Variants in NT5DC1 observed in about 807,000 individuals in gnomAD.
NT5DC1 encodes 5'-nucleotidase domain-containing protein 1.
NT5DC1 carries 42 observed loss-of-function variants against 59.4 expected under a neutral mutation model. The observed-to-expected ratio is 0.71, with a 90% confidence interval of 0.55 to 0.92. NT5DC1 has a LOEUF of 0.92. Among genes scored for constraint, NT5DC1 ranks in the 40% least tolerant of loss-of-function variants. The probability of loss-of-function intolerance (pLI) is 0.00; values close to 1 mark genes in which losing one functional copy is unlikely to be tolerated. For missense variants in NT5DC1, 501 were observed against 537.1 expected (o/e 0.93, Z 0.66); for synonymous variants, 172 against 188.1 (o/e 0.91, Z 0.70).
rs191656132 is a variant in NT5DC1 at position 116,211,597 on chromosome 6, A to G, written c.530-9457A>G. On this transcript the variant is annotated intron_variant, in intron 6 of 11. Transcript: ENST00000319550. ...AACAGCCATTCATTAGCCATGCCAA[A>G]TAAGTATAAATGTATTGGACTTAGA... Among the ~76,000 whole-genome samples, 366 of 152,188 alleles carry G rather than the reference A, an allele frequency of 2.4e-3. 2 individuals are homozygous for G. The highest frequency in any genetic ancestry group is 0.01 in the Middle Eastern group (3 of 294).
intron 6 of NT5DC1, among the ~76,000 whole-genome samples, chr6:116,132,876 G>T (rs1779503856): frequency 6.6e-6 from 1 of 152,050 alleles, no homozygotes; most frequent in African/African-American, 2.4e-5. Flanking sequence ...AATTTTAAAA[G>T]AACATTCTTA....
chr6:116,118,259 G>A (rs1232314644), intron 6 of NT5DC1, among the ~76,000 whole-genome samples: 2 of 152,154 alleles, frequency 1.3e-5, no homozygotes, highest in Non-Finnish European at 2.9e-5. Context: ...ATAAGGGTTG[G>A]TGACTTGTAA....
intron 6 of NT5DC1, among the ~76,000 whole-genome samples, chr6:116,194,730 G>A (rs1436968219): frequency 6.6e-6 from 1 of 152,012 alleles, no homozygotes; most frequent in Admixed American, 6.6e-5. Context: ...AGTTTTGAAT[G>A]TAAATTATCA....
chr6:116,166,778 A>G (rs1780479628), intron 6 of NT5DC1, among the ~76,000 whole-genome samples: 1 of 152,226 alleles, frequency 6.6e-6, no homozygotes, highest in Non-Finnish European at 1.5e-5. Flanking sequence ...TAAATTATGT[A>G]AGAGATAAAA....
At chr6:116,143,351 T>C (rs1395403683) in intron 6 of NT5DC1, among the ~76,000 whole-genome samples, 2 of 152,080 alleles carry the variant, frequency 1.3e-5, no homozygotes, top group East Asian at 3.9e-4. Context: ...GCTGGGATTA[T>C]AGGCATGCAT....
At chr6:116,155,804 A>G (rs1780177128) in intron 6 of NT5DC1, among the ~76,000 whole-genome samples, 1 of 151,860 alleles carries the variant, frequency 6.6e-6, no homozygotes, top group African/African-American at 2.4e-5. Context: ...ACTGAAATGG[A>G]AACATTTCCA....
At chr6:116,243,231 T>C (rs1771771560) in intron 11 of NT5DC1, among the ~76,000 whole-genome samples, 1 of 152,224 alleles carries the variant, frequency 6.6e-6, no homozygotes, top group Non-Finnish European at 1.5e-5. Flanking sequence ...CCTCATCCTG[T>C]GACTATGAAG....
intron 6 of NT5DC1, among the ~76,000 whole-genome samples, chr6:116,161,695 T>G (rs1172729290): frequency 6.6e-6 from 1 of 152,226 alleles, no homozygotes; most frequent in Non-Finnish European, 1.5e-5. Context: ...TGCTTAGGAT[T>G]GCTTTGGCTA....
intron 6 of NT5DC1, among the ~76,000 whole-genome samples, chr6:116,211,778 T>C (rs1781584183): frequency 6.6e-6 from 1 of 152,108 alleles, no homozygotes; most frequent in Admixed American, 6.6e-5. Context: ...GATATTGGAA[T>C]GTTTGCTTTG....
intron 6 of NT5DC1, among the ~76,000 whole-genome samples, chr6:116,135,906 A>C (rs1779589336): frequency 6.8e-6 from 1 of 146,670 alleles, no homozygotes; most frequent in Non-Finnish European, 1.5e-5. Flanking sequence ...AATGGTTACC[A>C]CAATCAAGCT....
chr6:116,224,981 C>T (rs555339960), intron 8 of NT5DC1, among the ~76,000 whole-genome samples: 1 of 152,156 alleles, frequency 6.6e-6, no homozygotes, highest in South Asian at 2.1e-4. Flanking sequence ...CATTTAAATA[C>T]ATTATGGAGT....
intron 6 of NT5DC1, among the ~76,000 whole-genome samples, chr6:116,189,731 A>T (rs1461090738): frequency 6.6e-6 from 1 of 151,992 alleles, no homozygotes; most frequent in Non-Finnish European, 1.5e-5. Context: ...TGAAAAAAAA[A>T]TGATTTTAAT....
intron 6 of NT5DC1, among the ~76,000 whole-genome samples, chr6:116,158,368 C>G (rs1434698345): frequency 6.7e-6 from 1 of 150,058 alleles, no homozygotes; most frequent in East Asian, 1.9e-4. Flanking sequence ...TCTTCAAATC[C>G]AGAAAAAAAA....
chr6:116,226,637 CA>C (rs1049776992), intron 8 of NT5DC1, among the ~76,000 whole-genome samples: 10 of 151,810 alleles, frequency 6.6e-5, no homozygotes, highest in Non-Finnish European at 7.4e-5. Context: ...GATGTTTATC[CA>C]AACTATATAT....
At chr6:116,107,195 A>G (rs1057283190) in intron 2 of NT5DC1, among the ~76,000 whole-genome samples, 5 of 149,692 alleles carry the variant, frequency 3.3e-5, no homozygotes, top group African/African-American at 1.2e-4. Flanking sequence ...ATCAATAACA[A>G]TACTAAACCA....
intron 4 of NT5DC1, among the ~76,000 whole-genome samples, chr6:116,113,997 T>G (rs1173647481): frequency 2.0e-5 from 3 of 152,152 alleles, no homozygotes; most frequent in Non-Finnish European, 4.4e-5. Context: ...TGTCATACAG[T>G]CCTACAGCAT....
chr6:116,131,443 C>G (rs1445908379), intron 6 of NT5DC1, among the ~76,000 whole-genome samples: 1 of 152,172 alleles, frequency 6.6e-6, no homozygotes, highest in Non-Finnish European at 1.5e-5. Context: ...AATGGCATCA[C>G]AGTGTACATA....
At chr6:116,110,785 A>G (rs759815412) in intron 3 of NT5DC1, 65 bp from the exon 4 acceptor site, 16 of 1,142,804 alleles carry the variant, frequency 1.4e-5, no homozygotes, top group Non-Finnish European at 1.9e-5. Context: ...CAACAGTCAC[A>G]ATGATAGAGG....
intron 6 of NT5DC1, among the ~76,000 whole-genome samples, chr6:116,210,544 G>A (rs147651587): frequency 2.0e-5 from 3 of 151,882 alleles, no homozygotes; most frequent in East Asian, 2.0e-4. Flanking sequence ...TCTGTATCTC[G>A]GATTTTCAGT....
Sources: allele counts gnomAD v4.1 joint callset (sites outside exome capture counted in the v4.1 genomes callset), GRCh38; gene constraint gnomAD v4.1.1; transcripts MANE v1.5; gene names NCBI Gene and HGNC (gene_info 2026-07-23, HGNC 2026-07-21).